DIAPH3: variants seen among roughly 807,000 people sequenced by gnomAD.
DIAPH3 encodes diaphanous related formin 3.
DIAPH3 carries 117 observed loss-of-function variants against 144.3 expected under a neutral mutation model. The ratio of observed to expected loss-of-function variants is 0.81; its 90% confidence interval spans 0.70 to 0.95. DIAPH3 has a LOEUF of 0.95. DIAPH3 is among the 40% of genes least tolerant of loss of function. The pLI is 0.00. For missense variants in DIAPH3, 1,421 were observed against 1,412.7 expected, an observed-to-expected ratio of 1.01 and a Z score of -0.09; for synonymous variants, 519 against 488.9, an observed-to-expected ratio of 1.06 and a Z score of -0.81.
At chr13:59,924,662 A>G in intron 18 of DIAPH3, 113 bp downstream of exon 18, 1 of 1,451,972 alleles carries the variant, frequency 6.9e-7, no homozygotes, top group South Asian at 1.3e-5. Context: ...TTTATCATGC[A>G]TATAATAACA....
chr13:59,709,291 A>C (rs1030264548), intron 27 of DIAPH3, among the ~76,000 whole-genome samples: 3 of 152,204 alleles, frequency 2.0e-5, no homozygotes, highest in Non-Finnish European at 4.4e-5. Flanking sequence ...AGACACTACC[A>C]TCAGAGCGAA....
At chr13:60,147,809 C>T (rs1210938979) in intron 1 of DIAPH3, among the ~76,000 whole-genome samples, 1 of 152,066 alleles carries the variant, frequency 6.6e-6, no homozygotes, top group Non-Finnish European at 1.5e-5. Context: ...GTGGATGATG[C>T]AGGAGAGAAA....
chr13:60,036,205 T>C (rs2055196906), intron 5 of DIAPH3, among the ~76,000 whole-genome samples: 1 of 152,222 alleles, frequency 6.6e-6, no homozygotes, highest in Admixed American at 6.5e-5. Flanking sequence ...CAGTGTTTAT[T>C]TTCTTTATAA....
chr13:59,919,506 G>A (rs2047408210), intron 18 of DIAPH3, among the ~76,000 whole-genome samples: 1 of 151,996 alleles, frequency 6.6e-6, no homozygotes, highest in Admixed American at 6.6e-5. Context: ...AAAATATGAT[G>A]ACATATTCAA....
intron 13 of DIAPH3, among the ~76,000 whole-genome samples, chr13:59,982,118 T>G (rs1386202989): frequency 3.3e-5 from 5 of 151,530 alleles, no homozygotes; most frequent in Non-Finnish European, 5.9e-5. Flanking sequence ...AGAAATACAA[T>G]GACATTCTCT....
chr13:59,703,041 A>AAAAT (rs772618735), intron 27 of DIAPH3, among the ~76,000 whole-genome samples: 53 of 152,272 alleles, frequency 3.5e-4, no homozygotes, highest in East Asian at 7.7e-4. Context: ...CCTAATCTTT[A>AAAAT]AAATAAATAA....
At position 59,950,774 on chromosome 13, in the gene DIAPH3, C is replaced by T. The variant is rs1474855392; in HGVS notation, c.2074+19170G>A. ...TATAATGACTAAATGTAATACTATACGATCAGTCAAGATATGAAGGCTATT... is the reference window on the plus strand; with the variant it reads ...TATAATGACTAAATGTAATACTATATGATCAGTCAAGATATGAAGGCTATT... On this transcript the variant is annotated intron_variant, in intron 17 of 27. Coordinates refer to ENST00000400324, the MANE Select transcript of DIAPH3 (RefSeq NM_001042517.2). 5.3e-5 allele frequency among the ~76,000 whole-genome samples: 8 copies of T among 151,784 alleles called. No homozygotes were observed. The South Asian group carries it at 8.3e-4, about 16-fold the overall frequency.
intron 21 of DIAPH3, among the ~76,000 whole-genome samples, chr13:59,877,574 G>A (rs1001640962): frequency 6.6e-6 from 1 of 152,094 alleles, no homozygotes; most frequent in Non-Finnish European, 1.5e-5. Flanking sequence ...GAATTAAGTA[G>A]CCATATATGT....
chr13:59,827,198 A>C (rs557981197), intron 24 of DIAPH3, among the ~76,000 whole-genome samples: 2,375 of 152,064 alleles, frequency 0.016, 78 homozygotes, highest in African/African-American at 0.055. Context: ...TAATTAAACT[A>C]AAGAGCTTCT....
Position 59,955,505 on chromosome 13 carries a change from C to G in DIAPH3, c.2074+14439G>C, listed in dbSNP as rs533157039. Among the ~76,000 whole-genome samples the G allele has an allele frequency of 5.9e-5, 9 of 152,222 alleles. No individual in the cohort carries two copies. The South Asian group carries it at 1.9e-3, about 32-fold the overall frequency. On this transcript the variant is annotated intron_variant, in intron 17 of 27. Transcript: ENST00000400324. The stretch of plus-strand genomic sequence containing the variant: ...AAACTTCTTTTTCTTTATGAATTAC[C>G]CAGTCTCGGGTATATCTTTATTAGC...
chr13:59,750,263 G>C (rs7998627), intron 27 of DIAPH3, among the ~76,000 whole-genome samples: 12 of 152,080 alleles, frequency 7.9e-5, no homozygotes, highest in African/African-American at 2.9e-4. Context: ...TTATTGCTAT[G>C]TTTACACAAT....
At chr13:60,023,437 CTTT>C (rs36089305) in intron 5 of DIAPH3, among the ~76,000 whole-genome samples, 3 of 143,980 alleles carry the variant, frequency 2.1e-5, no homozygotes, top group Non-Finnish European at 4.6e-5. Context: ...GTTTTCAGAA[CTTT>C]TTTTTTTTTT....
At chr13:60,096,004 A>G (rs776454259) in intron 3 of DIAPH3, among the ~76,000 whole-genome samples, 1 of 152,200 alleles carries the variant, frequency 6.6e-6, no homozygotes, top group Non-Finnish European at 1.5e-5. Flanking sequence ...AATTTACTAT[A>G]CCTTCTTGAG....
In DIAPH3 at chr13:59,983,561, G is replaced by A. The variant is rs1438619555; in HGVS notation, c.1480+208C>T. ...TGCCTTGATTCATAACAAAGTGCCA[G>A]GAGTTTTACTCACCATTGTTCTGCA... On this transcript the variant is annotated intron_variant, in intron 13 of 27. Transcript: ENST00000400324. Among the ~76,000 whole-genome samples, 4 of 151,520 alleles carry A rather than the reference G, an allele frequency of 2.6e-5. No homozygotes were observed. In the South Asian group the frequency reaches 6.2e-4, roughly 24 times the overall value.
chr13:59,920,523 C>T (rs1437368203), intron 18 of DIAPH3, among the ~76,000 whole-genome samples: 1 of 151,348 alleles, frequency 6.6e-6, no homozygotes. Flanking sequence ...TGTGTATATG[C>T]ATGTGTGTGC....
chr13:59,822,915 T>G (rs1222248835), intron 24 of DIAPH3, among the ~76,000 whole-genome samples: 4 of 152,152 alleles, frequency 2.6e-5, no homozygotes, highest in Non-Finnish European at 4.4e-5. Flanking sequence ...TCATTTTTTT[T>G]TGTGGTATTC....
At chr13:59,851,261 C>T (rs895416450) in intron 22 of DIAPH3, among the ~76,000 whole-genome samples, 18 of 152,224 alleles carry the variant, frequency 1.2e-4, no homozygotes, top group Middle Eastern at 3.4e-3. Context: ...TTATGCTCCC[C>T]CTCTCTCCCT....
chr13:60,042,310 A>C (rs1366974626), intron 5 of DIAPH3, among the ~76,000 whole-genome samples: 1 of 152,220 alleles, frequency 6.6e-6, no homozygotes, highest in Non-Finnish European at 1.5e-5. Context: ...TTCCAACAAC[A>C]GAAAAAATTA....
chr13:60,163,925 A>G lies in DIAPH3; in HGVS notation c.-159T>C. 2 of 924,146 alleles carry G rather than the reference A, an allele frequency of 2.2e-6. No individual in the cohort carries two copies. The highest frequency in any genetic ancestry group is 2.9e-5 in the Admixed American group (1 of 34,546). The allele number at this position is 924,146 out of a possible 1,614,324, so 57.2% of individuals were successfully genotyped here. ...CTGAAGTCGGGGCCGCAGCCAACAC[A>G]TCTGAAAACTCCCGCCACCCGTGTT... On this transcript the variant is annotated 5_prime_UTR_variant, in exon 1 of 28. The change abolishes an upstream ATG in the 5' untranslated region. Coordinates refer to ENST00000400324, the MANE Select transcript of DIAPH3 (RefSeq NM_001042517.2).
Sources: gnomAD v4.1 joint callset for allele counts (sites outside exome capture counted in the v4.1 genomes callset) on GRCh38, gnomAD v4.1.1 for gene constraint, MANE v1.5 for transcripts, NCBI Gene and HGNC (gene_info 2026-07-23, HGNC 2026-07-21) for gene names.